CCDC141: variants seen among roughly 807,000 people sequenced by gnomAD.
CCDC141 encodes coiled-coil domain containing 141.
Under a neutral mutation model 181.0 loss-of-function variants are expected in CCDC141, and 168 were observed. The ratio of observed to expected loss-of-function variants is 0.93; its 90% CI spans 0.82 to 1.05. The LOEUF (loss-of-function observed/expected upper bound fraction) is 1.05. Ranked by LOEUF, CCDC141 falls within the 50% of genes least tolerant of loss-of-function variation. The pLI is 0.00. For missense variants in CCDC141, 1,902 were observed against 1,788.5 expected, an observed-to-expected ratio of 1.06 and a Z score of -1.14; for synonymous variants, 666 against 642.3, an observed-to-expected ratio of 1.04 and a Z score of -0.56.
chr2:179,022,401 C>T (rs528834332), intron 2 of CCDC141, among the ~76,000 whole-genome samples: 190 of 152,236 alleles, frequency 1.2e-3, no homozygotes, highest in African/African-American at 4.4e-3. Flanking sequence ...TAAATAAATA[C>T]GAGCACTAAG....
intron 8 of CCDC141, among the ~76,000 whole-genome samples, chr2:178,898,235 G>A (rs1235234259): frequency 6.6e-6 from 1 of 152,138 alleles, no homozygotes; most frequent in African/African-American, 2.4e-5. Context: ...TATAAAACAA[G>A]GCTGCCTCTT....
At chr2:178,977,956 T>A (rs1157127436) in intron 3 of CCDC141, among the ~76,000 whole-genome samples, 2 of 152,216 alleles carry the variant, frequency 1.3e-5, no homozygotes, top group Non-Finnish European at 2.9e-5. Flanking sequence ...TCTCTTGTAT[T>A]GTAAGGTGTT....
intron 2 of CCDC141, among the ~76,000 whole-genome samples, chr2:178,992,829 C>T (rs1484290326): frequency 6.6e-6 from 1 of 152,168 alleles, no homozygotes; most frequent in Non-Finnish European, 1.5e-5. Context: ...CCCCAAGCTG[C>T]TGTTCCTGTG....
chr2:179,011,254 C>T (rs530395258), intron 2 of CCDC141, among the ~76,000 whole-genome samples: 7 of 151,976 alleles, frequency 4.6e-5, no homozygotes, highest in African/African-American at 7.2e-5. Context: ...TAAGAACTCA[C>T]GTAAACTTAA....
At chr2:178,982,798 C>A (rs1020288526) in intron 2 of CCDC141, among the ~76,000 whole-genome samples, 6 of 152,242 alleles carry the variant, frequency 3.9e-5, no homozygotes, top group Non-Finnish European at 7.3e-5. Context: ...TATCCCGCAC[C>A]TGGCTCGGAG....
At chr2:178,848,736 C>T (rs141028615) in intron 21 of CCDC141, among the ~76,000 whole-genome samples, 106 of 151,784 alleles carry the variant, frequency 7.0e-4, no homozygotes, top group African/African-American at 2.5e-3. Context: ...TTTCGGCCTT[C>T]GTATTGGAAG....
rs1685256707 is a variant in CCDC141, at chr2:178,853,545, G to C, written c.3140C>G (p.Ala1047Gly). The C allele has an allele frequency of 1.9e-6, 3 of 1,613,968 alleles. No individual in the cohort carries two copies. The highest frequency in any genetic ancestry group is 3.3e-5 in the Admixed American group (2 of 59,992). Residue 1047 changes from alanine to glycine, a missense_variant, in exon 20 of 24, where the codon GCT becomes GGT. Transcript: ENST00000443758. ...KYSTECKTKE[A>G]VKILHQQFNK... ...AAACTGCTGGTGGAGAATTTTCACA[G>C]CTTCCTTTGTCTTGCACTCTGTGGA...
intron 4 of CCDC141, among the ~76,000 whole-genome samples, chr2:178,968,753 G>A (rs924956277): frequency 3.9e-5 from 6 of 152,072 alleles, no homozygotes; most frequent in African/African-American, 1.4e-4. Flanking sequence ...AGAACTGAAG[G>A]AGATAGAAAC....
intron 2 of CCDC141, among the ~76,000 whole-genome samples, chr2:178,980,667 T>C (rs1209479435): frequency 6.6e-6 from 1 of 152,194 alleles, no homozygotes; most frequent in South Asian, 2.1e-4. Flanking sequence ...GACTCAAGTA[T>C]ACATTGTCTA....
chr2:179,010,192 G>A (rs1014950989), intron 2 of CCDC141, among the ~76,000 whole-genome samples: 2 of 152,096 alleles, frequency 1.3e-5, no homozygotes, highest in African/African-American at 2.4e-5. Flanking sequence ...TGTTCCTGAG[G>A]AAGAAGAAAA....
intron 4 of CCDC141, 39 bp downstream of exon 4, chr2:178,975,018 C>T (rs903148409): frequency 2.2e-5 from 23 of 1,048,216 alleles, no homozygotes; most frequent in Non-Finnish European, 3.2e-5. Flanking sequence ...TCTTTTAAAA[C>T]CTCTAAACAC....
intron 6 of CCDC141, among the ~76,000 whole-genome samples, chr2:178,921,909 C>T (rs1688706415): frequency 6.6e-6 from 1 of 152,148 alleles, no homozygotes; most frequent in Non-Finnish European, 1.5e-5. Flanking sequence ...AATACTCAAA[C>T]TCAGGTGGAG....
chr2:178,900,507 T>A (rs1687633259), intron 8 of CCDC141, among the ~76,000 whole-genome samples: 2 of 152,076 alleles, frequency 1.3e-5, no homozygotes, highest in South Asian at 4.1e-4. Context: ...GTTTTTTGTT[T>A]GTTTGTTTGT....
chr2:179,008,414 G>A (rs576861998), intron 2 of CCDC141, among the ~76,000 whole-genome samples: 10 of 152,226 alleles, frequency 6.6e-5, no homozygotes, highest in African/African-American at 9.6e-5. Flanking sequence ...TAGGTGTCAC[G>A]GGCACTGAGC....
chr2:178,968,690 C>A (rs1011293959), intron 4 of CCDC141, among the ~76,000 whole-genome samples: 4 of 151,974 alleles, frequency 2.6e-5, no homozygotes, highest in African/African-American at 9.6e-5. Context: ...AGAGAAGCGA[C>A]CGCAAACAAA....
chr2:178,881,627 G>A (rs746374432), intron 11 of CCDC141, among the ~76,000 whole-genome samples: 1 of 152,066 alleles, frequency 6.6e-6, no homozygotes, highest in Non-Finnish European at 1.5e-5. Flanking sequence ...ATTGCAGTGG[G>A]ACAAGGACAG....
chr2:178,867,219 C>T (rs932145990), intron 16 of CCDC141, among the ~76,000 whole-genome samples: 1 of 152,160 alleles, frequency 6.6e-6, no homozygotes, highest in Non-Finnish European at 1.5e-5. Context: ...AATTCTTCAT[C>T]CATAAAATGA....
chr2:178,908,530 C>T (rs1269214676), intron 7 of CCDC141, among the ~76,000 whole-genome samples: 1 of 152,210 alleles, frequency 6.6e-6, no homozygotes, highest in Non-Finnish European at 1.5e-5. Context: ...AAGCAAAAAT[C>T]TGGCATAGTC....
chr2:178,931,841 T>C (rs1251220970), intron 6 of CCDC141, among the ~76,000 whole-genome samples: 4 of 152,204 alleles, frequency 2.6e-5, no homozygotes, highest in Non-Finnish European at 5.9e-5. Context: ...TATTATGTTG[T>C]GTTTCTGTTG....
Sources: allele counts gnomAD v4.1 joint callset (sites outside exome capture counted in the v4.1 genomes callset), GRCh38; gene constraint gnomAD v4.1.1; transcripts MANE v1.5; gene names NCBI Gene and HGNC (gene_info 2026-07-23, HGNC 2026-07-21).